PLPPR5: variants seen among roughly 807,000 people sequenced by gnomAD.
The protein encoded by PLPPR5 is phospholipid phosphatase-related protein type 5.
In PLPPR5, 16 loss-of-function variants were observed where a neutral mutation model predicts 33.9. The ratio of observed to expected loss-of-function variants is 0.47; its 90% CI spans 0.32 to 0.72. PLPPR5 has a LOEUF of 0.72. PLPPR5 is among the 30% of genes least tolerant of loss of function. The pLI is 0.03. For missense variants in PLPPR5, 301 were observed against 406.7 expected (o/e 0.74, Z 2.23); for synonymous variants, 163 against 150.3 (o/e 1.08, Z -0.62).
intron 3 of PLPPR5, among the ~76,000 whole-genome samples, chr1:98,925,449 T>C (rs897529784): frequency 6.6e-6 from 1 of 152,206 alleles, no homozygotes; most frequent in Non-Finnish European, 1.5e-5. Flanking sequence ...TGCTCCCTGT[T>C]AAGAGCCTGG....
Position 98,972,370 on chromosome 1 carries a change from T to G in PLPPR5, c.238-15629A>C, listed in dbSNP as rs535691101. 1.7e-3 allele frequency among the ~76,000 whole-genome samples: 266 copies of G among 152,234 alleles called. 1 individual carries two copies. Among genetic ancestry groups the G allele is most frequent in the Non-Finnish European group, 2.7e-3 (183 of 67,982 alleles). ...ATGAGCAATTCTGAACACAGTTTGC[T>G]GGCCAGCAGTTTTAGATGGCTATTA... is the stretch of plus-strand genomic sequence containing the variant. On this transcript the variant is annotated intron_variant, in intron 1 of 5. Transcript: ENST00000263177.
chr1:98,919,353 T>C (rs1438432101), intron 4 of PLPPR5, among the ~76,000 whole-genome samples: 1 of 152,134 alleles, frequency 6.6e-6, no homozygotes, highest in Non-Finnish European at 1.5e-5. Flanking sequence ...GACTGGGTGG[T>C]CTGGGTTCCT....
At chr1:98,917,060 T>C (rs1027431412) in intron 4 of PLPPR5, among the ~76,000 whole-genome samples, 9 of 152,060 alleles carry the variant, frequency 5.9e-5, no homozygotes, top group Non-Finnish European at 1.3e-4. Context: ...TACTCAAAAC[T>C]AAACTCAAGA....
At chr1:98,946,052 A>G (rs1428272102) in intron 3 of PLPPR5, among the ~76,000 whole-genome samples, 1 of 152,158 alleles carries the variant, frequency 6.6e-6, no homozygotes, top group Non-Finnish European at 1.5e-5. Flanking sequence ...TCTTGGTCAC[A>G]TCAGTATAAG....
chr1:98,979,666 G>A (rs567194329), intron 1 of PLPPR5, among the ~76,000 whole-genome samples: 1 of 152,114 alleles, frequency 6.6e-6, no homozygotes, highest in South Asian at 2.1e-4. Context: ...TGCCTCCTGC[G>A]ATGGATTTCT....
intron 4 of PLPPR5, among the ~76,000 whole-genome samples, chr1:98,921,489 A>G (rs1402801460): frequency 1.3e-5 from 2 of 152,168 alleles, no homozygotes; most frequent in East Asian, 1.9e-4. Context: ...TATCCAAACC[A>G]GTCCTGAAAC....
chr1:98,971,440 T>A (rs183799832), intron 1 of PLPPR5, among the ~76,000 whole-genome samples: 1 of 152,046 alleles, frequency 6.6e-6, no homozygotes, highest in African/African-American at 2.4e-5. Context: ...CTTTCACATA[T>A]AACTTACTCA....
chr1:98,897,484 C>T (rs112809995), intron 5 of PLPPR5, among the ~76,000 whole-genome samples: 1,898 of 152,250 alleles, frequency 0.012, 45 homozygotes, highest in African/African-American at 0.044. Flanking sequence ...CATGTTCTTA[C>T]ATCGTTAGAC....
chr1:98,966,984 CTG>C (rs971698032), intron 1 of PLPPR5, among the ~76,000 whole-genome samples: 12 of 152,088 alleles, frequency 7.9e-5, no homozygotes, highest in Non-Finnish European at 1.5e-4. Context: ...GTCTGGCCAT[CTG>C]TGTTTCAACA....
chr1:98,941,721 T>C (rs1347389821), intron 3 of PLPPR5, among the ~76,000 whole-genome samples: 2 of 151,650 alleles, frequency 1.3e-5, no homozygotes, highest in African/African-American at 4.8e-5. Flanking sequence ...TTTAGCACAG[T>C]AAGAACTCAA....
intron 3 of PLPPR5, among the ~76,000 whole-genome samples, chr1:98,944,945 C>G (rs1367462139): frequency 6.6e-6 from 1 of 152,140 alleles, no homozygotes; most frequent in Non-Finnish European, 1.5e-5. Flanking sequence ...AAAGCAGACT[C>G]GAGCATGTTA....
chr1:98,946,301 A>G (rs901061282), intron 3 of PLPPR5, among the ~76,000 whole-genome samples: 2 of 152,192 alleles, frequency 1.3e-5, no homozygotes, highest in African/African-American at 4.8e-5. Flanking sequence ...TTCAATATAT[A>G]TTTATGGAAT....
At chr1:98,932,600 A>T (rs1650019331) in intron 3 of PLPPR5, among the ~76,000 whole-genome samples, 1 of 152,212 alleles carries the variant, frequency 6.6e-6, no homozygotes, top group Non-Finnish European at 1.5e-5. Flanking sequence ...GGTGTGTAGT[A>T]GTTACTATAT....
chr1:98,991,428 A>G (rs1652447446), intron 1 of PLPPR5, among the ~76,000 whole-genome samples: 1 of 152,210 alleles, frequency 6.6e-6, no homozygotes, highest in Non-Finnish European at 1.5e-5. Context: ...CATTTGCAAA[A>G]TAAGTACACT....
chr1:98,939,473 T>C (rs987561635), intron 3 of PLPPR5, among the ~76,000 whole-genome samples: 2 of 151,888 alleles, frequency 1.3e-5, no homozygotes, highest in African/African-American at 2.4e-5. Context: ...ACCCCTTTCT[T>C]GTGATTGGGA....
chr1:99,002,264 T>C (rs1228064034), intron 1 of PLPPR5, among the ~76,000 whole-genome samples: 2 of 152,154 alleles, frequency 1.3e-5, no homozygotes, highest in Non-Finnish European at 2.9e-5. Context: ...ACCCATTCTC[T>C]TGTACCTAAA....
intron 4 of PLPPR5, among the ~76,000 whole-genome samples, chr1:98,919,710 A>G (rs1649477452): frequency 6.6e-6 from 1 of 152,122 alleles, no homozygotes; most frequent in Non-Finnish European, 1.5e-5. Flanking sequence ...GTTCTGCATA[A>G]CCCATCTCTT....
At chr1:98,931,319 A>T (rs889841468) in intron 3 of PLPPR5, among the ~76,000 whole-genome samples, 11 of 152,176 alleles carry the variant, frequency 7.2e-5, no homozygotes, top group Non-Finnish European at 1.5e-4. Flanking sequence ...ATGAATGCTT[A>T]CTATGTGTCA....
intron 3 of PLPPR5, among the ~76,000 whole-genome samples, chr1:98,929,599 T>G (rs980806174): frequency 6.6e-6 from 1 of 152,220 alleles, no homozygotes; most frequent in Admixed American, 6.5e-5. Flanking sequence ...AAGATCTGAA[T>G]ATGCTCAGTA....
Sources: gnomAD v4.1 joint callset for allele counts (sites outside exome capture counted in the v4.1 genomes callset) on GRCh38, gnomAD v4.1.1 for gene constraint, MANE v1.5 for transcripts, NCBI Gene and HGNC (gene_info 2026-07-23, HGNC 2026-07-21) for gene names.